The following RIT2 variants were observed in gnomAD, a reference collection of about 807,000 sequenced individuals.
RIT2 encodes the protein Ras like without CAAX 2, also known as GTP-binding protein Rit2.
In RIT2, 24 loss-of-function variants were observed where a neutral mutation model predicts 23.7. The ratio of observed to expected loss-of-function variants is 1.01; its 90% CI spans 0.73 to 1.43. The LOEUF (loss-of-function observed/expected upper bound fraction) is 1.43, where lower values mean the gene tolerates loss of function less well. Among genes scored for constraint, RIT2 ranks in the 40% most tolerant of loss-of-function variants. The pLI is 0.00. For synonymous variants in RIT2, 107 were observed against 91.1 expected (o/e 1.17, Z -0.99); for missense variants, 236 against 266.9 (o/e 0.88, Z 0.81).
intron 2 of RIT2, among the ~76,000 whole-genome samples, chr18:43,016,763 T>A (rs896633524): frequency 3.9e-5 from 6 of 152,066 alleles, no homozygotes; most frequent in Admixed American, 3.9e-4. Flanking sequence ...TGAATCTGAC[T>A]AACCAAATAT....
chr18:42,951,599 AT>A (rs61579699), intron 3 of RIT2, among the ~76,000 whole-genome samples: 19,754 of 151,140 alleles, frequency 0.13, 2,128 homozygotes, highest in East Asian at 0.4. Context: ...AAAGAAAAAA[AT>A]ATATATATAT....
intron 4 of RIT2, among the ~76,000 whole-genome samples, chr18:42,762,741 A>G (rs1018647199): frequency 2.6e-5 from 4 of 152,230 alleles, no homozygotes; most frequent in Non-Finnish European, 5.9e-5. Flanking sequence ...CCTACTCCAA[A>G]TGCATTTTCC....
intron 3 of RIT2, among the ~76,000 whole-genome samples, chr18:42,973,454 A>G (rs1910407423): frequency 6.6e-6 from 1 of 151,972 alleles, no homozygotes; most frequent in Non-Finnish European, 1.5e-5. Context: ...TAAATAAAAT[A>G]TCCACCTTTC....
chr18:42,904,182 CTA>C (rs530679801), intron 4 of RIT2, among the ~76,000 whole-genome samples: 94 of 152,228 alleles, frequency 6.2e-4, no homozygotes, highest in African/African-American at 2.0e-3. Context: ...AAAAAGTACT[CTA>C]TTTCTATATT....
chr18:42,905,629 T>A (rs1460691807), intron 4 of RIT2, among the ~76,000 whole-genome samples: 1 of 152,054 alleles, frequency 6.6e-6, no homozygotes, highest in Non-Finnish European at 1.5e-5. Flanking sequence ...CCCACCACCA[T>A]GCCTGGCTAA....
rs551848564 is a variant in RIT2 at position 42,944,626 on chromosome 18, G to A, written c.235-20863C>T. ...GGACTATGAATTTTTATCAGGTATC[G>A]CCCAATTCTCTCCAAGATTGAGAAA... On this transcript the variant is annotated intron_variant, in intron 3 of 4. Transcript: ENST00000326695. Among the ~76,000 whole-genome samples, 14 of 152,156 alleles carry A rather than the reference G, an allele frequency of 9.2e-5. 1 individual carries two copies. The highest frequency in any genetic ancestry group is 3.9e-4 in the East Asian group (2 of 5,152).
chr18:42,977,194 G>A (rs1164452920), intron 2 of RIT2, among the ~76,000 whole-genome samples: 1 of 151,926 alleles, frequency 6.6e-6, no homozygotes. Flanking sequence ...TTCATTTATG[G>A]TCTTATTCAT....
intron 1 of RIT2, among the ~76,000 whole-genome samples, chr18:43,110,129 GATA>G (rs756899684): frequency 5.5e-4 from 84 of 151,936 alleles, no homozygotes; most frequent in African/African-American, 1.7e-4. Context: ...AATTTTATGC[GATA>G]ATATCTTATT....
At chr18:43,019,799 C>T (rs1273421307) in intron 2 of RIT2, among the ~76,000 whole-genome samples, 1 of 152,028 alleles carries the variant, frequency 6.6e-6, no homozygotes, top group Non-Finnish European at 1.5e-5. Context: ...AAAGACTCCG[C>T]TAGAATACAC....
chr18:42,794,436 G>A (rs114077953), intron 4 of RIT2, among the ~76,000 whole-genome samples: 2 of 152,138 alleles, frequency 1.3e-5, no homozygotes, highest in African/African-American at 4.8e-5. Flanking sequence ...GAATAATCTA[G>A]GTTTGACTAA....
intron 4 of RIT2, among the ~76,000 whole-genome samples, chr18:42,746,302 C>A (rs553416743): frequency 6.6e-6 from 1 of 152,006 alleles, no homozygotes; most frequent in African/African-American, 2.4e-5. Context: ...ATTCAACTGA[C>A]CACAGTCAAT....
At position 42,759,277 on chromosome 18, in the gene RIT2, G is replaced by T. The variant is rs73484665; in HGVS notation, c.427-15557C>A. Among the ~76,000 whole-genome samples, 1,081 of 152,174 alleles carry T rather than the reference G, an allele frequency of 7.1e-3. 7 individuals carry two copies. Among genetic ancestry groups the T allele is most frequent in the African/African-American group, 0.025 (1,027 of 41,510 alleles). On this transcript the variant is annotated intron_variant, in intron 4 of 4. Transcript: ENST00000326695. ...CTTACTGCACATTCCTCCATAAAAT[G>T]ACCATTTCTGTCAATGTTTCTTACA...
chr18:42,974,251 T>C, intron 2 of RIT2, 104 bp from the exon 3 acceptor site: 1 of 717,252 alleles, frequency 1.4e-6, no homozygotes, highest in Non-Finnish European at 2.4e-6. Context: ...CTAAGATAAT[T>C]AGAAATATTC....
chr18:42,811,412 T>C (rs1362560825), intron 4 of RIT2, among the ~76,000 whole-genome samples: 1 of 151,986 alleles, frequency 6.6e-6, no homozygotes, highest in East Asian at 1.9e-4. Context: ...TACACTAGTG[T>C]TGAATGGTTT....
At chr18:43,104,183 C>T (rs1429719181) in intron 1 of RIT2, among the ~76,000 whole-genome samples, 2 of 152,050 alleles carry the variant, frequency 1.3e-5, no homozygotes, top group Non-Finnish European at 2.9e-5. Flanking sequence ...CTAAATCAGG[C>T]ATAGAAAGAT....
At chr18:43,039,282 T>C (rs767892146) in intron 1 of RIT2, among the ~76,000 whole-genome samples, 1 of 152,092 alleles carries the variant, frequency 6.6e-6, no homozygotes, top group African/African-American at 2.4e-5. Flanking sequence ...GTCTTCCCTC[T>C]TTCCATCCTG....
intron 2 of RIT2, among the ~76,000 whole-genome samples, chr18:42,988,208 C>T (rs970732587): frequency 1.3e-5 from 2 of 151,884 alleles, no homozygotes; most frequent in African/African-American, 2.4e-5. Flanking sequence ...AGAAAATATA[C>T]TTTACTTTAA....
intron 3 of RIT2, among the ~76,000 whole-genome samples, chr18:42,954,531 G>A (rs1369342758): frequency 3.3e-5 from 5 of 152,040 alleles, no homozygotes; most frequent in Non-Finnish European, 5.9e-5. Context: ...TGATCCTTCT[G>A]AAGCATGTTC....
At chr18:42,814,492 A>G (rs1028778034) in intron 4 of RIT2, among the ~76,000 whole-genome samples, 2 of 152,102 alleles carry the variant, frequency 1.3e-5, no homozygotes. Flanking sequence ...AGAGATAGCC[A>G]CAATCCTCCT....
Sources: gnomAD v4.1 joint callset for allele counts (sites outside exome capture counted in the v4.1 genomes callset) on GRCh38, gnomAD v4.1.1 for gene constraint, MANE v1.5 for transcripts, NCBI Gene and HGNC (gene_info 2026-07-23, HGNC 2026-07-21) for gene names.